The following BROX variants were observed in gnomAD, a reference collection of about 807,000 sequenced individuals.
BROX encodes the protein BRO1 domain-containing protein BROX.
A neutral mutation model predicts 61.0 loss-of-function variants in BROX; 53 were observed. The observed-to-expected ratio is 0.87, with a 90% CI of 0.70 to 1.09. BROX has a LOEUF of 1.09. BROX is among the 50% of genes least tolerant of loss of function. BROX has a pLI of 0.00. For missense variants in BROX, 489 were observed against 472.0 expected, an observed-to-expected ratio of 1.04 and a Z score of -0.33; for synonymous variants, 152 against 160.2, an observed-to-expected ratio of 0.95 and a Z score of 0.38.
Position 222,733,645 on chromosome 1 carries a change from A to G in BROX, c.*931A>G, listed in dbSNP as rs1351725373. On this transcript the variant is annotated 3_prime_UTR_variant, in exon 13 of 13. Coordinates refer to ENST00000340934, the MANE Select transcript of BROX (RefSeq NM_144695.4). The stretch of plus-strand genomic sequence containing the variant: ...AATTTACTCAAAAATCAGCTTTTAT[A>G]GGTATGTTGGCACCTTATCCAAGAA... The G allele has an allele frequency of 1.3e-5, 2 of 152,214 alleles. No individual in the cohort carries two copies. The highest frequency in any genetic ancestry group is 4.8e-5 in the African/African-American group (2 of 41,456). 9.4% of individuals were successfully genotyped at this position (152,214 alleles called of 1,614,324 possible). A position where few individuals can be genotyped will look rare whatever the true frequency, so the allele number is the denominator to read the frequency against.
intron 4 of BROX, among the ~76,000 whole-genome samples, chr1:222,721,110 T>C (rs1657066240): frequency 6.6e-6 from 1 of 152,160 alleles, no homozygotes; most frequent in African/African-American, 2.4e-5. Context: ...AGGAAAAGAG[T>C]TACTCATGAG....
intron 4 of BROX, among the ~76,000 whole-genome samples, chr1:222,720,498 C>A (rs1656996110): frequency 6.6e-6 from 1 of 152,016 alleles, no homozygotes; most frequent in Non-Finnish European, 1.5e-5. Context: ...TCCGACCATG[C>A]AACATTTTGA....
At chr1:222,713,080 C>T (rs1656185740) in intron 1 of BROX, 138 bp downstream of exon 1, 2 of 1,027,022 alleles carry the variant, frequency 1.9e-6, no homozygotes. Flanking sequence ...CTTCTAGTGC[C>T]TTGAAACAAA....
At position 222,733,774 on chromosome 1, in the gene BROX, ACTTTGTAATAG is replaced by A. The variant is rs2125050178; in HGVS notation, c.*1063_*1073del. 6.6e-6 allele frequency: 1 copy of A among 152,330 alleles called. No homozygotes were observed. Among genetic ancestry groups the A allele is most frequent in the East Asian group, 1.9e-4 (1 of 5,186 alleles). The allele number at this position is 152,330 out of a possible 1,614,324, so 9.4% of individuals were successfully genotyped here. A position where few individuals can be genotyped will look rare whatever the true frequency, so the allele number is the denominator to read the frequency against. Reference sequence around the variant, plus strand: ...GTGGGTTTTTTACTTAGAGGAAAGAACTTTGTAATAGCTCTTAATGTTTATATATAAGAGAA... The same window carrying A: ...GTGGGTTTTTTACTTAGAGGAAAGAACTCTTAATGTTTATATATAAGAGAA... On this transcript the variant is annotated 3_prime_UTR_variant, in exon 13 of 13. Transcript: ENST00000340934.
chr1:222,720,027 A>G lies in BROX; in HGVS notation c.305+668A>G, dbSNP rs528589505. 2.6e-5 allele frequency among the ~76,000 whole-genome samples: 4 copies of G among 152,386 alleles called. No homozygotes were observed. In the South Asian group the frequency reaches 8.3e-4, roughly 32 times the overall value. ...GAATTACTATTTTATAAAAACAGAA[A>G]GGAAGGAGTGGAGGTTGCTGAAAGA... On this transcript the variant is annotated intron_variant, in intron 4 of 12. Transcript: ENST00000340934.
chr1:222,716,464 G>A (rs1257875658), intron 2 of BROX, among the ~76,000 whole-genome samples: 2 of 152,236 alleles, frequency 1.3e-5, no homozygotes, highest in African/African-American at 4.8e-5. Flanking sequence ...AGAGATCCCT[G>A]TGACCTGAAA....
At position 222,721,373 on chromosome 1, in the gene BROX, CTT is replaced by C. The variant is rs199661132; in HGVS notation, c.306-1031_306-1030del. Reference sequence around the variant, plus strand: ...TTTAATTACTACATATTTTATAACACTTTTTTTTTTTTTTTTCATTTAAAAAG... The same window carrying C: ...TTTAATTACTACATATTTTATAACACTTTTTTTTTTTTTTCATTTAAAAAG... On this transcript the variant is annotated intron_variant, in intron 4 of 12. Coordinates refer to ENST00000340934, the MANE Select transcript of BROX (RefSeq NM_144695.4). 2.0e-3 allele frequency among the ~76,000 whole-genome samples: 259 copies of C among 131,526 alleles called. 2 individuals are homozygous for C. The highest frequency in any genetic ancestry group is 5.4e-3 in the East Asian group (25 of 4,618). The allele number at this position is 131,526 out of a possible 152,430, so 86.3% of individuals were successfully genotyped here. A position where few individuals can be genotyped will look rare whatever the true frequency, so the allele number is the denominator to read the frequency against.
chr1:222,714,294 C>T (rs1656365644), intron 1 of BROX, among the ~76,000 whole-genome samples: 1 of 149,254 alleles, frequency 6.7e-6, no homozygotes, highest in Non-Finnish European at 1.5e-5. Context: ...TCACTGCAAG[C>T]TCCGCCTCCT....
intron 4 of BROX, among the ~76,000 whole-genome samples, chr1:222,720,924 G>A (rs527327198): frequency 1.3e-5 from 2 of 152,350 alleles, no homozygotes; most frequent in African/African-American, 4.8e-5. Flanking sequence ...TTCAGCACAA[G>A]TGAGACTTCT....
intron 2 of BROX, among the ~76,000 whole-genome samples, chr1:222,717,522 A>G (rs1028316965): frequency 3.3e-5 from 5 of 152,250 alleles, no homozygotes; most frequent in Admixed American, 3.3e-4. Context: ...TTGAGTGCAG[A>G]ATAGGCTTTA....
chr1:222,727,726 A>G (rs1035122153), intron 8 of BROX, among the ~76,000 whole-genome samples: 6 of 152,202 alleles, frequency 3.9e-5, no homozygotes. Context: ...TAAATAGAAA[A>G]GATCTGCAGT....
chr1:222,715,611 G>C, intron 1 of BROX, 73 bp from the exon 2 acceptor site: 1 of 601,028 alleles, frequency 1.7e-6, no homozygotes, highest in Non-Finnish European at 2.6e-6. Flanking sequence ...GAAATAAATT[G>C]TTATGCTATT....
rs1377926866 is a variant in BROX, at chr1:222,724,175, C to G, written c.474+11C>G. On this transcript the variant is annotated intron_variant, in intron 6 of 12. Coordinates refer to ENST00000340934, the MANE Select transcript of BROX (RefSeq NM_144695.4). Reference sequence around the variant, plus strand: ...TTTAAACATTTAAAGGTAAAACAAACAAACAAAAACCATTATTTGTTCTTA... The same window carrying G: ...TTTAAACATTTAAAGGTAAAACAAAGAAACAAAAACCATTATTTGTTCTTA... 1 of 1,587,914 alleles carries G rather than the reference C, an allele frequency of 6.3e-7. No individual in the cohort carries two copies.
chr1:222,717,181 C>A (rs976732625), intron 2 of BROX, among the ~76,000 whole-genome samples: 2 of 152,198 alleles, frequency 1.3e-5, no homozygotes, highest in Non-Finnish European at 2.9e-5. Context: ...TTCATTTTTA[C>A]AACCCTTTTA....
rs1403631585 is a variant in BROX at position 222,735,187 on chromosome 1, A to G, written c.*2473A>G. 6.6e-6 allele frequency: 1 copy of G among 152,230 alleles called. No homozygotes were observed. Among genetic ancestry groups the G allele is most frequent in the Non-Finnish European group, 1.5e-5 (1 of 68,046 alleles). 9.4% of individuals were successfully genotyped at this position (152,230 alleles called of 1,614,324 possible). A position where few individuals can be genotyped will look rare whatever the true frequency, so the allele number is the denominator to read the frequency against. On this transcript the variant is annotated 3_prime_UTR_variant, in exon 13 of 13. Coordinates refer to ENST00000340934, the MANE Select transcript of BROX (RefSeq NM_144695.4). The stretch of plus-strand genomic sequence containing the variant: ...GAAAATAAAAGTAATTTTACTTACA[A>G]TTTCATTGAGATCTTTTGTTTTTCG...
chr1:222,712,836 G>C lies in BROX; in HGVS notation c.-123G>C. 1.6e-6 allele frequency: 2 copies of C among 1,284,616 alleles called. No individual in the cohort carries two copies. Among genetic ancestry groups the C allele is most frequent in the Non-Finnish European group, 2.0e-6 (2 of 985,590 alleles). 79.6% of individuals were successfully genotyped at this position (1,284,616 alleles called of 1,614,324 possible). ...CGCCGTCCTGGTTTTCCGTCACCCT[G>C]GTTCTGTAGTCTCGGTTCTCCGACT... On this transcript the variant is annotated 5_prime_UTR_variant, in exon 1 of 13. Coordinates refer to ENST00000340934, the MANE Select transcript of BROX (RefSeq NM_144695.4).
At position 222,733,063 on chromosome 1, in the gene BROX, C is replaced by CTTTTTTTTTTTCTTTTTTTTTTTT. The variant is rs1658058998; in HGVS notation, c.*360_*361insCTTTTTTTTTTTTTTTTTTTTTTT. The CTTTTTTTTTTTCTTTTTTTTTTTT allele has an allele frequency of 5.8e-4, 61 of 104,852 alleles. 1 individual carries two copies. Among genetic ancestry groups the CTTTTTTTTTTTCTTTTTTTTTTTT allele is most frequent in the African/African-American group, 9.5e-4 (26 of 27,234 alleles). The allele number at this position is 104,852 out of a possible 1,614,324, so 6.5% of individuals were successfully genotyped here. A position where few individuals can be genotyped will look rare whatever the true frequency, so the allele number is the denominator to read the frequency against. On this transcript the variant is annotated 3_prime_UTR_variant, in exon 13 of 13. Transcript: ENST00000340934. ...AGGTATGTTTTTCTTTTTTCTTTTT[C>CTTTTTTTTTTTCTTTTTTTTTTTT]TTTTTTTTTTTTCTTTTTTTTTTTT...
Position 222,725,363 on chromosome 1 carries a change from A to G in BROX, c.475-87A>G, listed in dbSNP as rs914923500. Reference sequence around the variant, plus strand: ...GCTAAGCCTCCCAGTTGAATGTCTCATAACTTTCATTTTCTTCATCTCTAA... The same window carrying G: ...GCTAAGCCTCCCAGTTGAATGTCTCGTAACTTTCATTTTCTTCATCTCTAA... On this transcript the variant is annotated intron_variant, in intron 6 of 12. Coordinates refer to ENST00000340934, the MANE Select transcript of BROX (RefSeq NM_144695.4). The G allele has an allele frequency of 1.6e-5, 14 of 874,040 alleles. 1 individual carries two copies. The highest frequency in any genetic ancestry group is 1.4e-4 in the African/African-American group (8 of 57,866). The allele number at this position is 874,040 out of a possible 1,614,324, so 54.1% of individuals were successfully genotyped here. A position where few individuals can be genotyped will look rare whatever the true frequency, so the allele number is the denominator to read the frequency against.
Position 222,712,832 on chromosome 1 carries a change from C to G in BROX, c.-127C>G, listed in dbSNP as rs1257686294. 1 of 1,287,950 alleles carries G rather than the reference C, an allele frequency of 7.8e-7. No homozygotes were observed. Among genetic ancestry groups the G allele is most frequent in the Admixed American group, 2.3e-5 (1 of 43,436 alleles). The allele number at this position is 1,287,950 out of a possible 1,614,324, so 79.8% of individuals were successfully genotyped here. On this transcript the variant is annotated 5_prime_UTR_variant, in exon 1 of 13. Transcript: ENST00000340934. ...TTGGCGCCGTCCTGGTTTTCCGTCA[C>G]CCTGGTTCTGTAGTCTCGGTTCTCC...
Sources: gnomAD v4.1 joint callset for allele counts (sites outside exome capture counted in the v4.1 genomes callset) on GRCh38, gnomAD v4.1.1 for gene constraint, MANE v1.5 for transcripts, NCBI Gene and HGNC (gene_info 2026-07-23, HGNC 2026-07-21) for gene names.